Variants in ABHD3 observed in about 807,000 individuals in gnomAD.
The protein encoded by ABHD3 is abhydrolase domain containing 3, phospholipase.
A neutral mutation model predicts 48.8 loss-of-function variants in ABHD3; 46 were observed. The observed-to-expected ratio is 0.94, with a 90% CI of 0.74 to 1.20. The LOEUF (loss-of-function observed/expected upper bound fraction) is 1.20. ABHD3 is among the 50% of genes most tolerant of loss of function. The probability of loss-of-function intolerance (pLI) is 0.00; values close to 1 mark genes in which losing one functional copy is unlikely to be tolerated. For synonymous variants in ABHD3, 192 were observed against 183.7 expected (o/e 1.04, Z -0.36); for missense variants, 490 against 497.8 (o/e 0.98, Z 0.15).
chr18:21,686,198 G>T (rs1470332943), intron 3 of ABHD3, among the ~76,000 whole-genome samples: 1 of 152,196 alleles, frequency 6.6e-6, no homozygotes, highest in African/African-American at 2.4e-5. Flanking sequence ...TAGTCTCAGT[G>T]ACTCCTTTAT....
chr18:21,664,398 A>C (rs2039574502), intron 4 of ABHD3, 168 bp from the exon 5 acceptor site: 2 of 621,432 alleles, frequency 3.2e-6, no homozygotes, highest in Non-Finnish European at 5.3e-6. Context: ...CAGCGCACAT[A>C]CATGCCATTT....
intron 3 of ABHD3, among the ~76,000 whole-genome samples, chr18:21,696,705 T>G (rs1382701580): frequency 6.6e-6 from 1 of 152,058 alleles, no homozygotes; most frequent in African/African-American, 2.4e-5. Flanking sequence ...TGGTCTTTTA[T>G]TATTATTATT....
At chr18:21,687,150 T>A (rs1371559344) in intron 3 of ABHD3, among the ~76,000 whole-genome samples, 3 of 151,798 alleles carry the variant, frequency 2.0e-5, no homozygotes, top group Non-Finnish European at 2.9e-5. Context: ...CTCAAAACAA[T>A]CCTCTCGTCT....
At position 21,659,118 on chromosome 18, in the gene ABHD3, C is replaced by G. The variant is rs551240611; in HGVS notation, c.842+52G>C. The G allele has an allele frequency of 1.4e-5, 22 of 1,561,076 alleles. No individual in the cohort carries two copies. The African/African-American group carries it at 2.2e-4, about 16-fold the overall frequency. ...CCTCCCAAAGTGCTGGGATTACAGG[C>G]GTGAGCCACCGGGCCCGGCCCTGGA... On this transcript the variant is annotated intron_variant, in intron 6 of 8. Transcript: ENST00000289119.
chr18:21,676,624 CAA>C (rs2039888786), intron 4 of ABHD3, among the ~76,000 whole-genome samples: 1 of 152,188 alleles, frequency 6.6e-6, no homozygotes. Context: ...CTCCTGGCCT[CAA>C]GTGATCCACC....
At chr18:21,666,812 G>A (rs904060549) in intron 4 of ABHD3, among the ~76,000 whole-genome samples, 2 of 151,986 alleles carry the variant, frequency 1.3e-5, no homozygotes, top group Non-Finnish European at 2.9e-5. Flanking sequence ...AAAGCATCAC[G>A]GATGCTTCAC....
intron 8 of ABHD3, among the ~76,000 whole-genome samples, chr18:21,652,365 G>T (rs2039242876): frequency 6.6e-6 from 1 of 150,554 alleles, no homozygotes; most frequent in Non-Finnish European, 1.5e-5. Context: ...AGAAAGAAAG[G>T]AAGACAAGAA....
chr18:21,684,312 T>C lies in ABHD3; in HGVS notation c.510-347A>G, dbSNP rs1033781015. On this transcript the variant is annotated intron_variant, in intron 3 of 8. Coordinates refer to ENST00000289119, the MANE Select transcript of ABHD3 (RefSeq NM_138340.5). ...ACAAGTCAAATTTAAATGTTTTTGCTTTTTTTTTTTTTTTTTTTTTTTGAG... is the reference window on the plus strand; with the variant it reads ...ACAAGTCAAATTTAAATGTTTTTGCCTTTTTTTTTTTTTTTTTTTTTTGAG... Among the ~76,000 whole-genome samples the C allele has an allele frequency of 2.2e-4, 10 of 44,670 alleles. No homozygotes were observed. In the African/African-American group the frequency reaches 4.6e-3, roughly 21 times the overall value. 29.3% of individuals were successfully genotyped at this position (44,670 alleles called of 152,430 possible).
At chr18:21,656,225 A>G (rs2039346370) in intron 8 of ABHD3, among the ~76,000 whole-genome samples, 2 of 151,618 alleles carry the variant, frequency 1.3e-5, no homozygotes, top group Admixed American at 1.3e-4. Context: ...TTCAGGCTGG[A>G]GTGTAGTGGC....
Position 21,663,860 on chromosome 18 carries a change from C to T in ABHD3, c.668+258G>A, listed in dbSNP as rs2039559323. 1.5e-5 allele frequency: 22 copies of T among 1,493,256 alleles called. 1 individual carries two copies. The South Asian group carries it at 1.7e-4, about 12-fold the overall frequency. 92.5% of individuals were successfully genotyped at this position (1,493,256 alleles called of 1,614,324 possible). A position where few individuals can be genotyped will look rare whatever the true frequency, so the allele number is the denominator to read the frequency against. ...AGCCGGTGAGTGATGCAATCGACTT[C>T]ATGGGCTTCAGACAAACCTTCAGGC... On this transcript the variant is annotated intron_variant, in intron 5 of 8. Coordinates refer to ENST00000289119, the MANE Select transcript of ABHD3 (RefSeq NM_138340.5).
chr18:21,675,608 C>A (rs2039866244), intron 4 of ABHD3, among the ~76,000 whole-genome samples: 1 of 151,916 alleles, frequency 6.6e-6, no homozygotes, highest in African/African-American at 2.4e-5. Context: ...GATTTGTGGA[C>A]CTCTGAAGTA....
chr18:21,683,849 T>A, intron 4 of ABHD3, 71 bp downstream of exon 4: 1 of 1,400,984 alleles, frequency 7.1e-7, no homozygotes, highest in Non-Finnish European at 9.7e-7. Context: ...ATAAAAAGAA[T>A]ATGCTTTTTG....
intron 8 of ABHD3, chr18:21,655,223 T>C (rs751035205): frequency 2.0e-5 from 3 of 152,082 alleles, no homozygotes; most frequent in Non-Finnish European, 4.4e-5. Context: ...GTCAGAATCA[T>C]TTTTTAAATG....
At chr18:21,661,706 CTT>C (rs2039502944) in intron 5 of ABHD3, 2 of 152,052 alleles carry the variant, frequency 1.3e-5, no homozygotes, top group South Asian at 4.2e-4. Flanking sequence ...GAGTTTTGCT[CTT>C]GTTGCCCAGG....
chr18:21,693,756 C>T (rs1033039206), intron 3 of ABHD3, among the ~76,000 whole-genome samples: 3 of 152,196 alleles, frequency 2.0e-5, no homozygotes, highest in Admixed American at 2.0e-4. Context: ...GCCTTATTCC[C>T]AAAAGTTTAA....
intron 3 of ABHD3, among the ~76,000 whole-genome samples, chr18:21,694,619 T>C (rs2040327165): frequency 1.3e-5 from 2 of 152,248 alleles, no homozygotes; most frequent in South Asian, 4.1e-4. Context: ...AAAACACAAG[T>C]TTACAATCTT....
At chr18:21,701,703 C>A (rs1314400013) in intron 3 of ABHD3, 2 of 151,858 alleles carry the variant, frequency 1.3e-5, no homozygotes, top group Non-Finnish European at 1.5e-5. Context: ...ACTTGAAACT[C>A]AAAGTTGCTA....
chr18:21,683,599 G>A (rs763019717), intron 4 of ABHD3: 2 of 483,780 alleles, frequency 4.1e-6, no homozygotes, highest in Non-Finnish European at 8.4e-6. Flanking sequence ...TGATGTAGGT[G>A]AATAACTATC....
intron 3 of ABHD3, among the ~76,000 whole-genome samples, chr18:21,689,133 TG>T (rs2040188839): frequency 6.6e-6 from 1 of 152,172 alleles, no homozygotes; most frequent in African/African-American, 2.4e-5. Flanking sequence ...GAATGGGAGT[TG>T]ACACTAGGAA....
Sources: allele counts gnomAD v4.1 joint callset (sites outside exome capture counted in the v4.1 genomes callset), GRCh38; gene constraint gnomAD v4.1.1; transcripts MANE v1.5; gene names NCBI Gene and HGNC (gene_info 2026-07-23, HGNC 2026-07-21).